PAK1: variants seen among roughly 807,000 people sequenced by gnomAD.
The protein encoded by PAK1 is serine/threonine-protein kinase PAK 1.
In PAK1, 29 loss-of-function variants were observed where a neutral mutation model predicts 67.4. That is an observed-to-expected ratio of 0.43 (90% confidence interval 0.32 to 0.59). The LOEUF is 0.59. Ranked by LOEUF, PAK1 falls within the 20% of genes least tolerant of loss-of-function variation. PAK1 has a pLI of 0.07. For synonymous variants in PAK1, 223 were observed against 237.4 expected (o/e 0.94, Z 0.56); for missense variants, 337 against 670.7 (o/e 0.50, Z 5.50).
chr11:77,384,120 A>ATT (rs1950172308), intron 2 of PAK1, among the ~76,000 whole-genome samples: 1 of 152,202 alleles, frequency 6.6e-6, no homozygotes, highest in Non-Finnish European at 1.5e-5. Flanking sequence ...CGAGATGGGA[A>ATT]AGGGCATTTC....
At chr11:77,402,081 A>T (rs569940958) in intron 1 of PAK1, among the ~76,000 whole-genome samples, 12 of 152,320 alleles carry the variant, frequency 7.9e-5, no homozygotes, top group African/African-American at 2.9e-4. Context: ...GGGAACCTGG[A>T]ACCTATAGGG....
intron 1 of PAK1, among the ~76,000 whole-genome samples, chr11:77,431,342 G>A (rs1955849605): frequency 6.6e-6 from 1 of 152,086 alleles, no homozygotes; most frequent in African/African-American, 2.4e-5. Flanking sequence ...TATCAACCCT[G>A]AGAGATTATG....
chr11:77,445,081 G>A (rs1956537441), intron 1 of PAK1, among the ~76,000 whole-genome samples: 1 of 152,126 alleles, frequency 6.6e-6, no homozygotes, highest in Admixed American at 6.5e-5. Context: ...TCATTAGGGT[G>A]GACCCTAATC....
chr11:77,512,723 A>G, the PAK1 span, among the ~76,000 whole-genome samples: 2 of 152,230 alleles, frequency 1.3e-5, no homozygotes, highest in Admixed American at 1.3e-4. Context: ...GCAGTGGCTT[A>G]GATGCTTTTC....
chr11:77,344,006 T>A, intron 9 of PAK1, 75 bp from the exon 10 acceptor site: 1 of 922,874 alleles, frequency 1.1e-6, no homozygotes, highest in Non-Finnish European at 1.8e-6. Flanking sequence ...TACCAGACCT[T>A]AAGTACTCAG....
intron 1 of PAK1, among the ~76,000 whole-genome samples, chr11:77,436,455 C>G (rs1956133877): frequency 6.6e-6 from 1 of 152,306 alleles, no homozygotes; most frequent in Admixed American, 6.5e-5. Flanking sequence ...TGCTACCAAA[C>G]TGCTATATAA....
At chr11:77,445,142 A>G (rs1956540245) in intron 1 of PAK1, among the ~76,000 whole-genome samples, 1 of 152,208 alleles carries the variant, frequency 6.6e-6, no homozygotes, top group African/African-American at 2.4e-5. Flanking sequence ...ACAAGAGACA[A>G]TCACACACAG....
chr11:77,428,936 G>T (rs917070116), intron 1 of PAK1, among the ~76,000 whole-genome samples: 1 of 151,494 alleles, frequency 6.6e-6, no homozygotes, highest in Non-Finnish European at 1.5e-5. Context: ...AGCCTGTGAT[G>T]GGGGTGTCAG....
intron 8 of PAK1, among the ~76,000 whole-genome samples, chr11:77,350,683 G>GT (rs1945119520): frequency 6.6e-6 from 1 of 152,170 alleles, no homozygotes; most frequent in African/African-American, 2.4e-5. Context: ...GAAAAGTCAT[G>GT]TGTAAGCATG....
the PAK1 span, among the ~76,000 whole-genome samples, chr11:77,493,888 G>C: frequency 6.6e-6 from 1 of 152,142 alleles, no homozygotes; most frequent in Non-Finnish European, 1.5e-5. Context: ...TGGATGTTGA[G>C]TAAGCCAGTC....
intron 2 of PAK1, among the ~76,000 whole-genome samples, chr11:77,383,069 C>T (rs1369864243): frequency 6.6e-6 from 1 of 152,086 alleles, no homozygotes; most frequent in African/African-American, 2.4e-5. Context: ...GAAAGAGGCC[C>T]AGGGATGTAA....
chr11:77,389,083 T>C (rs960179146), intron 2 of PAK1, among the ~76,000 whole-genome samples: 2 of 152,238 alleles, frequency 1.3e-5, no homozygotes, highest in African/African-American at 4.8e-5. Context: ...CTCCTAGTTT[T>C]AATTGCCTCT....
intron 1 of PAK1, among the ~76,000 whole-genome samples, chr11:77,457,078 G>A (rs1349871570): frequency 6.6e-6 from 1 of 152,112 alleles, no homozygotes; most frequent in Non-Finnish European, 1.5e-5. Context: ...TCACGTATAA[G>A]GAAACCAAAA....
At chr11:77,355,547 T>C in intron 7 of PAK1, 121 bp downstream of exon 7, 1 of 744,846 alleles carries the variant, frequency 1.3e-6, no homozygotes, top group Non-Finnish European at 2.3e-6. Context: ...GGAGAAGCAG[T>C]CTGTGCCTAA....
At chr11:77,399,625 C>T (rs1270742509) in intron 1 of PAK1, among the ~76,000 whole-genome samples, 26 of 151,774 alleles carry the variant, frequency 1.7e-4, no homozygotes, top group South Asian at 1.5e-3. Context: ...TTTGGGAGGC[C>T]GAGGCTGGCG....
intron 1 of PAK1, among the ~76,000 whole-genome samples, chr11:77,432,313 A>G (rs1219623345): frequency 1.3e-5 from 2 of 152,164 alleles, no homozygotes; most frequent in African/African-American, 4.8e-5. Flanking sequence ...AAAGGCATCT[A>G]TGAAAAACCC....
At chr11:77,387,073 C>CTTT (rs34065292) in intron 2 of PAK1, among the ~76,000 whole-genome samples, 3 of 126,840 alleles carry the variant, frequency 2.4e-5, no homozygotes, top group Admixed American at 8.0e-5. Flanking sequence ...CACGCCCAGC[C>CTTT]TTTTTTTTTT....
At chr11:77,458,653 T>A (rs774668957) in intron 1 of PAK1, among the ~76,000 whole-genome samples, 1 of 152,286 alleles carries the variant, frequency 6.6e-6, no homozygotes, top group East Asian at 1.9e-4. Context: ...GAGGGGTGAA[T>A]GTACAGACCT....
At chr11:77,340,791 G>A (rs964510835) in intron 10 of PAK1, 28 bp from the exon 11 acceptor site, 5 of 1,206,506 alleles carry the variant, frequency 4.1e-6, no homozygotes, top group Non-Finnish European at 6.2e-6. Flanking sequence ...AAGGGTGAGA[G>A]AGAACAATCA....
Sources: allele counts gnomAD v4.1 joint callset (sites outside exome capture counted in the v4.1 genomes callset), GRCh38; gene constraint gnomAD v4.1.1; transcripts MANE v1.5; gene names NCBI Gene and HGNC (gene_info 2026-07-23, HGNC 2026-07-21).